CAPZA2: variants seen among roughly 807,000 people sequenced by gnomAD.
The protein encoded by CAPZA2 is F-actin-capping protein subunit alpha-2.
In CAPZA2, 13 loss-of-function variants were observed where a neutral mutation model predicts 44.0. The observed-to-expected ratio is 0.30, with a 90% CI of 0.19 to 0.47. CAPZA2 has a LOEUF of 0.47. CAPZA2 is among the 20% of genes least tolerant of loss of function. CAPZA2 has a pLI of 1.00. For missense variants in CAPZA2, 244 were observed against 338.6 expected (o/e 0.72, Z 2.19); for synonymous variants, 94 against 108.2 (o/e 0.87, Z 0.81).
chr7:116,917,983 GTAAT>G lies in CAPZA2; in HGVS notation c.*123_*126del. 4.1e-6 allele frequency: 3 copies of G among 727,166 alleles called. No individual in the cohort carries two copies. Among genetic ancestry groups the G allele is most frequent in the South Asian group, 1.7e-5 (1 of 58,118 alleles). The allele number at this position is 727,166 out of a possible 1,614,324, so 45.0% of individuals were successfully genotyped here. On this transcript the variant is annotated 3_prime_UTR_variant, in exon 10 of 10. Coordinates refer to ENST00000361183, the MANE Select transcript of CAPZA2 (RefSeq NM_006136.3). ...TGGGCTGTTGCCATTTAAAATCACT[GTAAT>G]TAATTAGTTTGATTAGAGCACAAAG...
intron 3 of CAPZA2, among the ~76,000 whole-genome samples, chr7:116,894,422 G>GA (rs1363545707): frequency 2.0e-5 from 3 of 151,102 alleles, no homozygotes; most frequent in African/African-American, 7.3e-5. Context: ...TAGAACATTT[G>GA]AAGCCTTTAA....
chr7:116,915,978 T>C, intron 8 of CAPZA2, 82 bp from the exon 9 acceptor site: 1 of 926,486 alleles, frequency 1.1e-6, no homozygotes, highest in South Asian at 1.8e-5. Flanking sequence ...TATTATAACA[T>C]TACATTAACC....
rs1344909615 is a variant in CAPZA2 at position 116,916,799 on chromosome 7, G to T, written c.720+677G>T. 2.6e-5 allele frequency among the ~76,000 whole-genome samples: 4 copies of T among 152,292 alleles called. No individual in the cohort carries two copies. In the East Asian group the frequency reaches 7.7e-4, roughly 29 times the overall value. On this transcript the variant is annotated intron_variant, in intron 9 of 9. Coordinates refer to ENST00000361183, the MANE Select transcript of CAPZA2 (RefSeq NM_006136.3). ...TCCATAATCTGAAAATTAGAAATCT[G>T]CATTAGTGCTTCAGTGAGCATTGCC...
intron 7 of CAPZA2, among the ~76,000 whole-genome samples, chr7:116,910,718 T>C (rs1157149102): frequency 6.6e-6 from 1 of 152,218 alleles, no homozygotes; most frequent in South Asian, 2.1e-4. Flanking sequence ...TTAACGTGTA[T>C]GTATTGGCTG....
Position 116,898,844 on chromosome 7 carries a change from C to T in CAPZA2, c.219+9C>T, listed in dbSNP as rs1283401712. Reference sequence around the variant, plus strand: ...AAGGTTATGAAGATCAGGTATGTTTCATATAAACACTATTCTTTGTTTTGT... The same window carrying T: ...AAGGTTATGAAGATCAGGTATGTTTTATATAAACACTATTCTTTGTTTTGT... On this transcript the variant is annotated intron_variant, in intron 4 of 9. Transcript: ENST00000361183. 1 of 1,493,744 alleles carries T rather than the reference C, an allele frequency of 6.7e-7. No homozygotes were observed. The highest frequency in any genetic ancestry group is 1.7e-5 in the Admixed American group (1 of 58,560). 92.5% of individuals were successfully genotyped at this position (1,493,744 alleles called of 1,614,324 possible). A position where few individuals can be genotyped will look rare whatever the true frequency, so the allele number is the denominator to read the frequency against.
chr7:116,871,074 T>C (rs890486576), intron 1 of CAPZA2, among the ~76,000 whole-genome samples: 15 of 152,244 alleles, frequency 9.9e-5, no homozygotes, highest in Non-Finnish European at 2.2e-4. Flanking sequence ...TTGAGAATCC[T>C]CTTTTTGTGG....
intron 8 of CAPZA2, among the ~76,000 whole-genome samples, chr7:116,914,152 C>A (rs1184950066): frequency 6.7e-6 from 1 of 150,318 alleles, no homozygotes; most frequent in Non-Finnish European, 1.5e-5. Flanking sequence ...CTCAGCCTCC[C>A]GAGTAGCTGG....
At position 116,891,314 on chromosome 7, in the gene CAPZA2, G is replaced by A. The variant is rs1275520229; in HGVS notation, c.104-1680G>A. Among the ~76,000 whole-genome samples, 5 of 152,132 alleles carry A rather than the reference G, an allele frequency of 3.3e-5. No individual in the cohort carries two copies. In the East Asian group the frequency reaches 9.6e-4, roughly 29 times the overall value. ...ATAGGCATACTGTCCATGCAATATC[G>A]CTGTTCATTATGTTTAAACTATTGA... On this transcript the variant is annotated intron_variant, in intron 2 of 9. Transcript: ENST00000361183.
At chr7:116,914,018 A>C (rs1291174513) in intron 8 of CAPZA2, among the ~76,000 whole-genome samples, 1 of 150,660 alleles carries the variant, frequency 6.6e-6, no homozygotes, top group East Asian at 2.0e-4. Flanking sequence ...TACAGATATT[A>C]AAGAAAATTT....
intron 9 of CAPZA2, among the ~76,000 whole-genome samples, chr7:116,916,903 C>T (rs1791687493): frequency 1.3e-5 from 2 of 152,158 alleles, no homozygotes; most frequent in South Asian, 2.1e-4. Flanking sequence ...CAACCTGTAT[C>T]AGTCAAAATA....
chr7:116,884,374 C>T (rs2115909559), intron 1 of CAPZA2, among the ~76,000 whole-genome samples: 1 of 152,106 alleles, frequency 6.6e-6, no homozygotes, highest in South Asian at 2.1e-4. Context: ...AACTCTGTTT[C>T]TTTTTCCTCG....
At chr7:116,913,352 A>G (rs893332504) in intron 8 of CAPZA2, among the ~76,000 whole-genome samples, 8 of 151,906 alleles carry the variant, frequency 5.3e-5, no homozygotes, top group Non-Finnish European at 7.4e-5. Context: ...GTGGAGATCT[A>G]CTCCAGTGTT....
At chr7:116,894,666 T>C (rs930454449) in intron 3 of CAPZA2, among the ~76,000 whole-genome samples, 1 of 152,212 alleles carries the variant, frequency 6.6e-6, no homozygotes, top group African/African-American at 2.4e-5. Flanking sequence ...CTTTTTAAGC[T>C]GATACTTGAA....
chr7:116,921,759 A>G lies in CAPZA2; in HGVS notation c.*3892A>G, dbSNP rs1010579174. On this transcript the variant is annotated 3_prime_UTR_variant, in exon 10 of 10. Transcript: ENST00000361183. ...ATTAAAATTGAGGTTTTGAGGAGTT[A>G]CTAGTAATGACAAATATGACCAACG... 2.6e-5 allele frequency: 4 copies of G among 152,206 alleles called. No individual in the cohort carries two copies. Among genetic ancestry groups the G allele is most frequent in the Admixed American group, 2.0e-4 (3 of 15,278 alleles). The allele number at this position is 152,206 out of a possible 1,614,324, so 9.4% of individuals were successfully genotyped here. A position where few individuals can be genotyped will look rare whatever the true frequency, so the allele number is the denominator to read the frequency against.
chr7:116,916,144 A>G, intron 9 of CAPZA2, 22 bp downstream of exon 9: 1 of 1,520,226 alleles, frequency 6.6e-7, no homozygotes. Flanking sequence ...TAAATATTAT[A>G]TAAGCTACAC....
intron 2 of CAPZA2, among the ~76,000 whole-genome samples, chr7:116,892,719 GTTGGACAAGC>G (rs2115932267): frequency 6.6e-6 from 1 of 152,036 alleles, no homozygotes; most frequent in Non-Finnish European, 1.5e-5. Context: ...TAGGCCATGG[GTTGGACAAGC>G]TTGGATTTTA....
At chr7:116,894,190 C>T (rs1032265465) in intron 3 of CAPZA2, among the ~76,000 whole-genome samples, 3 of 151,992 alleles carry the variant, frequency 2.0e-5, no homozygotes, top group African/African-American at 7.2e-5. Context: ...GGTGAAATCC[C>T]GTCTCTACTA....
At chr7:116,879,274 A>G (rs1424816501) in intron 1 of CAPZA2, among the ~76,000 whole-genome samples, 1 of 152,172 alleles carries the variant, frequency 6.6e-6, no homozygotes, top group African/African-American at 2.4e-5. Context: ...TAGAGGTTAG[A>G]AATCCAGCCT....
intron 1 of CAPZA2, among the ~76,000 whole-genome samples, chr7:116,864,072 A>G (rs1228469524): frequency 6.6e-6 from 1 of 152,218 alleles, no homozygotes; most frequent in African/African-American, 2.4e-5. Flanking sequence ...AAGTTGCTGT[A>G]CAGTATTCAA....
Sources: gnomAD v4.1 joint callset for allele counts (sites outside exome capture counted in the v4.1 genomes callset) on GRCh38, gnomAD v4.1.1 for gene constraint, MANE v1.5 for transcripts, NCBI Gene and HGNC (gene_info 2026-07-23, HGNC 2026-07-21) for gene names.